TTC39B: variants seen among roughly 807,000 people sequenced by gnomAD.
TTC39B encodes tetratricopeptide repeat protein 39B.
In TTC39B, 92 loss-of-function variants were observed where a neutral mutation model predicts 96.6. The ratio of observed to expected loss-of-function variants is 0.95; its 90% CI spans 0.80 to 1.13. TTC39B has a LOEUF of 1.13. Among genes scored for constraint, TTC39B ranks in the 50% most tolerant of loss-of-function variants. TTC39B has a pLI of 0.00. For missense variants in TTC39B, 955 were observed against 809.3 expected (o/e 1.18, Z -2.18); for synonymous variants, 367 against 299.4 (o/e 1.23, Z -2.33).
intron 4 of TTC39B, 109 bp from the exon 5 acceptor site, chr9:15,211,506 C>T (rs945015743): frequency 2.0e-6 from 2 of 996,512 alleles, no homozygotes; most frequent in Middle Eastern, 2.5e-4. Context: ...TATTCCTTCA[C>T]CATAATCACT....
At chr9:15,302,893 G>A (rs1055611030) in intron 1 of TTC39B, among the ~76,000 whole-genome samples, 3 of 151,758 alleles carry the variant, frequency 2.0e-5, no homozygotes, top group African/African-American at 4.8e-5. Flanking sequence ...CATTTGGCCG[G>A]GCGCAGTGGC....
At chr9:15,203,417 A>ATTT (rs538878569) in intron 7 of TTC39B, among the ~76,000 whole-genome samples, 52 of 142,988 alleles carry the variant, frequency 3.6e-4, no homozygotes, top group Non-Finnish European at 6.3e-4. Context: ...TGCCTGGCTA[A>ATTT]TTTTTTTTTT....
At chr9:15,258,000 C>T (rs1355991582) in intron 2 of TTC39B, among the ~76,000 whole-genome samples, 2 of 151,992 alleles carry the variant, frequency 1.3e-5, no homozygotes, top group African/African-American at 4.8e-5. Flanking sequence ...GCAGAGGTTG[C>T]GGTGAGCCGA....
intron 2 of TTC39B, among the ~76,000 whole-genome samples, chr9:15,235,685 C>T (rs1198558928): frequency 3.9e-5 from 6 of 152,056 alleles, no homozygotes; most frequent in African/African-American, 9.7e-5. Flanking sequence ...AAAAAAATGC[C>T]AGCCAAGAAT....
chr9:15,197,955 G>T (rs1819271812), intron 8 of TTC39B, among the ~76,000 whole-genome samples: 3 of 152,100 alleles, frequency 2.0e-5, no homozygotes, highest in African/African-American at 7.2e-5. Flanking sequence ...AACAGAATTT[G>T]TTGAAAGCTG....
In TTC39B at chr9:15,189,472, A is replaced by G. The variant is rs75937832; in HGVS notation, c.1233+102T>C. On this transcript the variant is annotated intron_variant, in intron 13 of 19. Coordinates refer to ENST00000512701, the Ensembl canonical transcript of TTC39B. ...TTTTTTCTTTATTTTTGTCTAGTCC[A>G]TATAGCCAAGTTTACTTTTGTTGAA... is the stretch of plus-strand genomic sequence containing the variant. 3.8e-4 allele frequency: 476 copies of G among 1,265,948 alleles called. 3 individuals carry two copies. The East Asian group carries it at 0.011, about 29-fold the overall frequency. 78.4% of individuals were successfully genotyped at this position (1,265,948 alleles called of 1,614,324 possible). A position where few individuals can be genotyped will look rare whatever the true frequency, so the allele number is the denominator to read the frequency against.
chr9:15,235,042 T>TAAATAAATAAATAAATAAAA (rs1586933382), intron 2 of TTC39B, among the ~76,000 whole-genome samples: 2 of 150,140 alleles, frequency 1.3e-5, no homozygotes, highest in East Asian at 1.9e-4. Context: ...AATAAATAAA[T>TAAATAAATAAATAAATAAAA]AAAACAAAAA....
At chr9:15,185,506 C>T in intron 15 of TTC39B, 100 bp from the exon 16 acceptor site, 1 of 1,542,558 alleles carries the variant, frequency 6.5e-7, no homozygotes, top group Non-Finnish European at 8.8e-7. Context: ...CCACCAGCAG[C>T]AGCAGCAGCA....
At chr9:15,307,016 C>G in intron 1 of TTC39B, 68 bp downstream of exon 1, 1 of 1,570,930 alleles carries the variant, frequency 6.4e-7, no homozygotes, top group African/African-American at 1.4e-5. Flanking sequence ...TAGCCGGGCT[C>G]ACTCTTCTCT....
intron 6 of TTC39B, among the ~76,000 whole-genome samples, chr9:15,205,127 C>T (rs1006299241): frequency 2.6e-5 from 4 of 152,156 alleles, no homozygotes; most frequent in African/African-American, 4.8e-5. Flanking sequence ...CCACTAACGC[C>T]GCCTCTAGTT....
chr9:15,213,340 C>T (rs1053885025), intron 4 of TTC39B, among the ~76,000 whole-genome samples: 3 of 152,152 alleles, frequency 2.0e-5, no homozygotes, highest in Non-Finnish European at 4.4e-5. Flanking sequence ...GCTTCATTAT[C>T]GATTTCATCA....
At chr9:15,258,295 T>C (rs1481122707) in intron 2 of TTC39B, among the ~76,000 whole-genome samples, 1 of 152,056 alleles carries the variant, frequency 6.6e-6, no homozygotes, top group Non-Finnish European at 1.5e-5. Flanking sequence ...GACTTGGTAA[T>C]GTGGAAATTA....
intron 17 of TTC39B, among the ~76,000 whole-genome samples, chr9:15,178,690 G>A (rs1818091080): frequency 2.0e-5 from 3 of 152,178 alleles, no homozygotes; most frequent in Admixed American, 2.0e-4. Context: ...TGAGCTTTGT[G>A]ACCTTAGATA....
At chr9:15,243,754 T>C (rs1822151690) in intron 2 of TTC39B, among the ~76,000 whole-genome samples, 1 of 151,868 alleles carries the variant, frequency 6.6e-6, no homozygotes, top group Non-Finnish European at 1.5e-5. Flanking sequence ...TACAAAAAAA[T>C]AAAAAATTGG....
chr9:15,185,527 A>G, intron 15 of TTC39B, 121 bp from the exon 16 acceptor site: 2 of 1,484,212 alleles, frequency 1.3e-6, no homozygotes, highest in Non-Finnish European at 9.1e-7. Flanking sequence ...TCACCTGGGA[A>G]CCTATTTGAA....
At chr9:15,173,525 C>G (rs1484590233) in intron 19 of TTC39B, among the ~76,000 whole-genome samples, 1 of 152,070 alleles carries the variant, frequency 6.6e-6, no homozygotes, top group Non-Finnish European at 1.5e-5. Context: ...TAGTTGCTGC[C>G]CTCATAACTG....
intron 17 of TTC39B, among the ~76,000 whole-genome samples, chr9:15,179,773 T>C (rs569217285): frequency 6.6e-6 from 1 of 152,326 alleles, no homozygotes; most frequent in Admixed American, 6.5e-5. Flanking sequence ...CTGTGAATGA[T>C]GATTTTGTTG....
intron 2 of TTC39B, among the ~76,000 whole-genome samples, chr9:15,241,675 A>G (rs1302039907): frequency 6.6e-6 from 1 of 152,064 alleles, no homozygotes; most frequent in Non-Finnish European, 1.5e-5. Flanking sequence ...CTTAAGCTGT[A>G]TTAAGAAAAC....
At chr9:15,280,012 C>T (rs1275883189) in intron 1 of TTC39B, among the ~76,000 whole-genome samples, 1 of 150,782 alleles carries the variant, frequency 6.6e-6, no homozygotes, top group Non-Finnish European at 1.5e-5. Context: ...TCTCCTGCCT[C>T]AGCCTCCCAA....
Sources: gnomAD v4.1 joint callset for allele counts (sites outside exome capture counted in the v4.1 genomes callset) on GRCh38, gnomAD v4.1.1 for gene constraint, MANE v1.5 for transcripts, NCBI Gene and HGNC (gene_info 2026-07-23, HGNC 2026-07-21) for gene names.